EXOC4: variants seen among roughly 807,000 people sequenced by gnomAD.
The protein encoded by EXOC4 is exocyst complex component 4.
Under a neutral mutation model 107.2 loss-of-function variants are expected in EXOC4, and 71 were observed. The observed-to-expected ratio is 0.66, with a 90% CI of 0.55 to 0.81. The LOEUF (loss-of-function observed/expected upper bound fraction) is 0.81. Among genes scored for constraint, EXOC4 ranks in the 30% least tolerant of loss-of-function variants. The pLI is 0.00. For synonymous variants in EXOC4, 456 were observed against 441.2 expected (o/e 1.03, Z -0.42); for missense variants, 1,108 against 1,189.6 (o/e 0.93, Z 1.01).
intron 11 of EXOC4, among the ~76,000 whole-genome samples, chr7:133,836,960 A>G (rs1043823975): frequency 2.0e-5 from 3 of 152,174 alleles, no homozygotes; most frequent in Non-Finnish European, 4.4e-5. Context: ...TGCAGGTTGT[A>G]AAATGTCTGT....
At chr7:133,885,074 G>C (rs1314301075) in intron 11 of EXOC4, among the ~76,000 whole-genome samples, 2 of 152,136 alleles carry the variant, frequency 1.3e-5, no homozygotes, top group East Asian at 3.9e-4. Context: ...CCAGCACTTT[G>C]GGAGGCCGAG....
chr7:133,761,749 A>G (rs904881685), intron 10 of EXOC4, among the ~76,000 whole-genome samples: 14 of 152,220 alleles, frequency 9.2e-5, no homozygotes, highest in African/African-American at 3.4e-4. Context: ...AATTATCTTT[A>G]TGATTGTGTT....
At chr7:133,408,764 G>A (rs138021512) in intron 7 of EXOC4, among the ~76,000 whole-genome samples, 80 of 152,234 alleles carry the variant, frequency 5.3e-4, no homozygotes, top group African/African-American at 8.9e-4. Context: ...GGAATGTTGC[G>A]TTGCTTCTCA....
At chr7:133,857,487 C>T (rs570563412) in intron 11 of EXOC4, among the ~76,000 whole-genome samples, 5 of 50,430 alleles carry the variant, frequency 9.9e-5, no homozygotes, top group African/African-American at 3.1e-4. Flanking sequence ...CACTCATGCC[C>T]GTTGGGCTTG....
At chr7:133,787,444 T>C (rs1269041615) in intron 10 of EXOC4, among the ~76,000 whole-genome samples, 1 of 151,814 alleles carries the variant, frequency 6.6e-6, no homozygotes, top group East Asian at 1.9e-4. Flanking sequence ...GCACTTTTTA[T>C]GGGTTAAATC....
intron 7 of EXOC4, among the ~76,000 whole-genome samples, chr7:133,390,444 A>C (rs989216512): frequency 6.6e-6 from 1 of 152,164 alleles, no homozygotes; most frequent in African/African-American, 2.4e-5. Context: ...GGATGTAGAC[A>C]GCTTGGGAGG....
intron 10 of EXOC4, among the ~76,000 whole-genome samples, chr7:133,766,982 C>A (rs1189393401): frequency 6.6e-6 from 1 of 151,938 alleles, no homozygotes; most frequent in East Asian, 1.9e-4. Context: ...CACCCTTTGT[C>A]AGACGCTAGA....
At chr7:133,280,392 G>A (rs1195629379) in intron 2 of EXOC4, among the ~76,000 whole-genome samples, 1 of 152,140 alleles carries the variant, frequency 6.6e-6, no homozygotes, top group Non-Finnish European at 1.5e-5. Flanking sequence ...ATGGATACGA[G>A]TTGATACAAA....
At chr7:133,765,642 A>G (rs1201403843) in intron 10 of EXOC4, among the ~76,000 whole-genome samples, 1 of 152,030 alleles carries the variant, frequency 6.6e-6, no homozygotes, top group African/African-American at 2.4e-5. Context: ...ACTTGGGCTC[A>G]TTTTAGAAAT....
chr7:133,606,781 G>T (rs1356887146), intron 9 of EXOC4, among the ~76,000 whole-genome samples: 1 of 152,028 alleles, frequency 6.6e-6, no homozygotes, highest in Non-Finnish European at 1.5e-5. Flanking sequence ...CTCCCAAAGT[G>T]CTAGGATTAT....
chr7:133,938,415 G>A (rs922913814), intron 14 of EXOC4, among the ~76,000 whole-genome samples: 1 of 152,074 alleles, frequency 6.6e-6, no homozygotes, highest in Non-Finnish European at 1.5e-5. Flanking sequence ...ACTTCTCAAG[G>A]GCAGAAACTG....
rs540668616 is a variant in EXOC4 at position 133,975,553 on chromosome 7, A to C, written c.2207-21939A>C. Reference sequence around the variant, plus strand: ...GCATAGCTAGATGTTTAGTTTTAAGAAAGTTAAATTTTTAGACATTTGGAG... The same window carrying C: ...GCATAGCTAGATGTTTAGTTTTAAGCAAGTTAAATTTTTAGACATTTGGAG... On this transcript the variant is annotated intron_variant, in intron 14 of 17. Coordinates refer to ENST00000253861, the MANE Select transcript of EXOC4 (RefSeq NM_021807.4). Among the ~76,000 whole-genome samples the C allele has an allele frequency of 2.6e-5, 4 of 152,324 alleles. No homozygotes were observed. The South Asian group carries it at 8.3e-4, about 32-fold the overall frequency.
At chr7:133,833,959 AAG>A (rs1261419915) in intron 11 of EXOC4, among the ~76,000 whole-genome samples, 1 of 152,112 alleles carries the variant, frequency 6.6e-6, no homozygotes, top group Non-Finnish European at 1.5e-5. Context: ...AGAATAGAGA[AAG>A]AGAAGTATGT....
intron 11 of EXOC4, among the ~76,000 whole-genome samples, chr7:133,880,662 T>C (rs146125333): frequency 2.6e-5 from 4 of 152,320 alleles, no homozygotes; most frequent in African/African-American, 9.6e-5. Flanking sequence ...TTTTCTCCCT[T>C]TCCTGCTGTT....
chr7:133,769,302 G>A (rs115716549), intron 10 of EXOC4, among the ~76,000 whole-genome samples: 1,759 of 151,758 alleles, frequency 0.012, 24 homozygotes, highest in African/African-American at 0.04. Context: ...AGTGTTGAAA[G>A]CTGGGCTTTC....
At chr7:134,027,022 A>G (rs1795152626) in intron 17 of EXOC4, among the ~76,000 whole-genome samples, 1 of 152,106 alleles carries the variant, frequency 6.6e-6, no homozygotes, top group African/African-American at 2.4e-5. Flanking sequence ...TATATGACAA[A>G]TGGGTGTTTT....
At chr7:133,544,906 A>G (rs1800451697) in intron 9 of EXOC4, among the ~76,000 whole-genome samples, 1 of 151,678 alleles carries the variant, frequency 6.6e-6, no homozygotes, top group African/African-American at 2.4e-5. Context: ...TATGAAAAGA[A>G]GATTTGAATG....
intron 1 of EXOC4, among the ~76,000 whole-genome samples, chr7:133,259,105 A>G (rs1349834957): frequency 6.6e-6 from 1 of 152,052 alleles, no homozygotes; most frequent in Non-Finnish European, 1.5e-5. Context: ...TTTCGTATGG[A>G]TCTTGTCCAT....
intron 13 of EXOC4, among the ~76,000 whole-genome samples, chr7:133,926,059 AAAG>A (rs1350210947): frequency 1.3e-5 from 2 of 150,864 alleles, no homozygotes; most frequent in Non-Finnish European, 2.9e-5. Context: ...AAAAAAAAAA[AAAG>A]AAGAAAAGAA....
Sources: gnomAD v4.1 joint callset for allele counts (sites outside exome capture counted in the v4.1 genomes callset) on GRCh38, gnomAD v4.1.1 for gene constraint, MANE v1.5 for transcripts, NCBI Gene and HGNC (gene_info 2026-07-23, HGNC 2026-07-21) for gene names.